Variants in FGF14 observed in about 807,000 individuals in gnomAD.
FGF14 encodes the protein fibroblast growth factor 14, also known as fibroblast growth factor homologous factor 4.
A neutral mutation model predicts 25.5 loss-of-function variants in FGF14; 5 were observed. The observed-to-expected ratio is 0.20, with a 90% confidence interval of 0.10 to 0.41. FGF14 has a LOEUF of 0.41. Among genes scored for constraint, FGF14 ranks in the 10% least tolerant of loss-of-function variants. The pLI is 1.00. For missense variants in FGF14, 222 were observed against 320.1 expected (o/e 0.69, Z 2.34); for synonymous variants, 138 against 118.3 (o/e 1.17, Z -1.08).
At chr13:102,178,523 A>AC (rs1402584757) in intron 1 of FGF14, among the ~76,000 whole-genome samples, 7 of 152,138 alleles carry the variant, frequency 4.6e-5, no homozygotes, top group African/African-American at 1.4e-4. Context: ...CCCATTAAGT[A>AC]ATTTTTTGTC....
intron 1 of FGF14, among the ~76,000 whole-genome samples, chr13:102,193,878 A>G (rs1566802346): frequency 7.4e-6 from 1 of 134,442 alleles, no homozygotes; most frequent in African/African-American, 3.0e-5. Context: ...GCCCCAAAAC[A>G]AGGGGATAAA....
chr13:102,323,316 G>A (rs985900857), intron 1 of FGF14, among the ~76,000 whole-genome samples: 3 of 152,140 alleles, frequency 2.0e-5, no homozygotes, highest in Admixed American at 2.0e-4. Flanking sequence ...ATTATATGTA[G>A]TTATAAAGGA....
At chr13:101,928,598 A>G (rs924961768) in intron 1 of FGF14, among the ~76,000 whole-genome samples, 2 of 152,198 alleles carry the variant, frequency 1.3e-5, no homozygotes, top group Non-Finnish European at 2.9e-5. Context: ...GGTTAGAACA[A>G]GAAGTAGCCT....
At chr13:102,213,104 T>A (rs558049456) in intron 1 of FGF14, among the ~76,000 whole-genome samples, 1 of 152,332 alleles carries the variant, frequency 6.6e-6, no homozygotes, top group African/African-American at 2.4e-5. Context: ...AGCAGCCTGC[T>A]AAGCAGGAGA....
chr13:102,080,431 C>T (rs367682567), intron 1 of FGF14, among the ~76,000 whole-genome samples: 89 of 152,264 alleles, frequency 5.8e-4, no homozygotes, highest in African/African-American at 1.7e-3. Flanking sequence ...GCCTTTTAGA[C>T]GAGTCTGCTG....
rs1183881008 is a variant in FGF14 at position 101,721,119 on chromosome 13, TAA to T, written c.*1710_*1711del. On this transcript the variant is annotated 3_prime_UTR_variant, in exon 5 of 5. Coordinates refer to ENST00000376143, the MANE Select transcript of FGF14 (RefSeq NM_004115.4). ...GAGGCCAGTACATTGATCCCACATA[TAA>T]TTTTCAATAAATGAGGTTCAGTTTG... is the stretch of plus-strand genomic sequence containing the variant. 2.0e-5 allele frequency: 3 copies of T among 152,140 alleles called. No individual in the cohort carries two copies. The highest frequency in any genetic ancestry group is 7.2e-5 in the African/African-American group (3 of 41,438). The allele number at this position is 152,140 out of a possible 1,614,324, so 9.4% of individuals were successfully genotyped here. A position where few individuals can be genotyped will look rare whatever the true frequency, so the allele number is the denominator to read the frequency against.
intron 1 of FGF14, among the ~76,000 whole-genome samples, chr13:102,253,367 T>C (rs2052284045): frequency 6.6e-6 from 1 of 152,226 alleles, no homozygotes; most frequent in African/African-American, 2.4e-5. Context: ...CCATTCTAAC[T>C]GGCATGAAAT....
intron 1 of FGF14, among the ~76,000 whole-genome samples, chr13:101,963,091 C>T (rs2036967774): frequency 6.6e-6 from 1 of 152,326 alleles, no homozygotes; most frequent in Non-Finnish European, 1.5e-5. Flanking sequence ...ATTCTCATGC[C>T]ATTCAATCCT....
chr13:101,856,969 A>G (rs905929054), intron 3 of FGF14, among the ~76,000 whole-genome samples: 1 of 151,984 alleles, frequency 6.6e-6, no homozygotes, highest in Non-Finnish European at 1.5e-5. Context: ...CCATAGTGGA[A>G]AGGCAGATGA....
intron 1 of FGF14, among the ~76,000 whole-genome samples, chr13:102,245,488 A>G (rs2051820526): frequency 6.6e-6 from 1 of 151,992 alleles, no homozygotes; most frequent in Non-Finnish European, 1.5e-5. Flanking sequence ...GAGATTCAAT[A>G]GAAAGGTTTC....
chr13:102,192,754 G>GTGCT (rs2049178818), intron 1 of FGF14, among the ~76,000 whole-genome samples: 1 of 152,022 alleles, frequency 6.6e-6, no homozygotes, highest in Non-Finnish European at 1.5e-5. Context: ...TTTATAAAAG[G>GTGCT]ATCACCTTTC....
At chr13:101,763,924 G>A (rs2038216517) in intron 3 of FGF14, among the ~76,000 whole-genome samples, 2 of 149,960 alleles carry the variant, frequency 1.3e-5, no homozygotes, top group African/African-American at 4.9e-5. Context: ...AGACTGGCAT[G>A]GTGAAGGAGC....
At chr13:101,996,742 G>C (rs751662618) in intron 1 of FGF14, among the ~76,000 whole-genome samples, 8 of 152,150 alleles carry the variant, frequency 5.3e-5, no homozygotes, top group Non-Finnish European at 1.2e-4. Flanking sequence ...TACTTCAAGT[G>C]ATCTCCTTTA....
intron 1 of FGF14, among the ~76,000 whole-genome samples, chr13:102,215,849 G>A (rs2050348162): frequency 6.6e-6 from 1 of 152,164 alleles, no homozygotes; most frequent in Non-Finnish European, 1.5e-5. Flanking sequence ...TTAGGCACAC[G>A]TTTCCTCTTC....
At chr13:101,928,737 T>C (rs1480890812) in intron 1 of FGF14, among the ~76,000 whole-genome samples, 4 of 152,160 alleles carry the variant, frequency 2.6e-5, no homozygotes, top group Non-Finnish European at 4.4e-5. Context: ...TCTCCTGATG[T>C]GGTGTGCCAG....
At chr13:101,845,306 G>A (rs2043398036) in intron 3 of FGF14, among the ~76,000 whole-genome samples, 1 of 151,996 alleles carries the variant, frequency 6.6e-6, no homozygotes, top group Non-Finnish European at 1.5e-5. Context: ...CTTTATGTGT[G>A]CAGACCTTGC....
chr13:102,318,290 A>G (rs959148999), intron 1 of FGF14, among the ~76,000 whole-genome samples: 2 of 152,170 alleles, frequency 1.3e-5, no homozygotes, highest in African/African-American at 4.8e-5. Context: ...TGCTGGCAGC[A>G]GGGGGTCCCA....
chr13:101,923,867 C>T (rs2034179277), intron 1 of FGF14, among the ~76,000 whole-genome samples: 1 of 152,038 alleles, frequency 6.6e-6, no homozygotes, highest in South Asian at 2.1e-4. Flanking sequence ...CCTATAGAAG[C>T]AATACCAGAT....
chr13:102,299,867 A>G (rs925701930), intron 1 of FGF14: 1 of 152,176 alleles, frequency 6.6e-6, no homozygotes, highest in African/African-American at 2.4e-5. Context: ...AACACAAAAT[A>G]TGAGTAAAAA....
Sources: gnomAD v4.1 joint callset for allele counts (sites outside exome capture counted in the v4.1 genomes callset) on GRCh38, gnomAD v4.1.1 for gene constraint, MANE v1.5 for transcripts, NCBI Gene and HGNC (gene_info 2026-07-23, HGNC 2026-07-21) for gene names.